The following AK9 variants were observed in gnomAD, a reference collection of about 807,000 sequenced individuals.
AK9 encodes adenylate kinase 9.
Under a neutral mutation model 239.6 loss-of-function variants are expected in AK9, and 191 were observed. That is an observed-to-expected ratio of 0.80 (90% CI 0.71 to 0.90). The LOEUF is 0.90. Ranked by LOEUF, AK9 falls within the 40% of genes least tolerant of loss-of-function variation. The pLI is 0.00. For synonymous variants in AK9, 689 were observed against 721.0 expected, an observed-to-expected ratio of 0.96 and a Z score of 0.71; for missense variants, 1,995 against 2,214.7, an observed-to-expected ratio of 0.90 and a Z score of 1.99.
chr6:109,578,896 C>T (rs544956799), intron 20 of AK9, among the ~76,000 whole-genome samples: 12 of 152,062 alleles, frequency 7.9e-5, no homozygotes, highest in South Asian at 2.1e-4. Context: ...AGAGAGTACT[C>T]GGTATAATTT....
Position 109,564,248 on chromosome 6 carries a change from G to T in AK9, c.2467C>A (p.Pro823Thr). Reference sequence around the variant, plus strand: ...AATGGCTCCATTTCGGGAACATCAGGATAAGAGTCTTCTGGAAACTCAGGT... The same window carrying T: ...AATGGCTCCATTTCGGGAACATCAGTATAAGAGTCTTCTGGAAACTCAGGT... The part of the protein sequence containing the change: ...VLPEFPEDSY[P>T]DVPEMEPFKE... Residue 823 changes from proline to threonine, a missense_variant, in exon 23 of 41, where the codon CCT becomes ACT. Physicochemically the swap from Pro to Thr is conservative, Grantham distance 38 (BLOSUM62 -1). Around this residue, in one of 5 missense-constraint regions of AK9, gnomAD observed 1,290 missense variants for 1,392.7 expected, o/e 0.93. Transcript: ENST00000424296. 1.9e-6 allele frequency: 3 copies of T among 1,550,894 alleles called. No homozygotes were observed. Among genetic ancestry groups the T allele is most frequent in the Non-Finnish European group, 2.6e-6 (3 of 1,146,740 alleles).
chr6:109,513,144 C>T (rs1478450898), intron 32 of AK9, among the ~76,000 whole-genome samples: 1 of 152,162 alleles, frequency 6.6e-6, no homozygotes, highest in Non-Finnish European at 1.5e-5. Flanking sequence ...GGATTACAGG[C>T]ATGAGCCACT....
At chr6:109,547,465 A>G (rs1783712022) in intron 25 of AK9, among the ~76,000 whole-genome samples, 1 of 152,224 alleles carries the variant, frequency 6.6e-6, no homozygotes, top group Non-Finnish European at 1.5e-5. Context: ...TCTTTAATAT[A>G]TGGTGCTGTG....
intron 19 of AK9, among the ~76,000 whole-genome samples, chr6:109,584,261 T>C (rs991013349): frequency 1.3e-5 from 2 of 152,110 alleles, no homozygotes; most frequent in African/African-American, 2.4e-5. Context: ...TCTTCATTTC[T>C]AGGGTTTAAA....
At chr6:109,539,733 T>C (rs890484143) in intron 27 of AK9, among the ~76,000 whole-genome samples, 1 of 152,196 alleles carries the variant, frequency 6.6e-6, no homozygotes, top group African/African-American at 2.4e-5. Context: ...TCTTTGTGGT[T>C]TTATCTACCT....
chr6:109,576,562 T>C (rs1262341111), intron 20 of AK9, among the ~76,000 whole-genome samples: 1 of 151,968 alleles, frequency 6.6e-6, no homozygotes, highest in East Asian at 1.9e-4. Flanking sequence ...AATTCATTTA[T>C]CAGATCTAGG....
intron 24 of AK9, among the ~76,000 whole-genome samples, chr6:109,553,407 G>T (rs964814823): frequency 1.3e-5 from 2 of 152,012 alleles, no homozygotes; most frequent in Non-Finnish European, 2.9e-5. Context: ...TCCTTGAAGA[G>T]GTCCTTCATA....
At chr6:109,563,080 C>A (rs1273689222) in intron 24 of AK9, among the ~76,000 whole-genome samples, 1 of 152,154 alleles carries the variant, frequency 6.6e-6, no homozygotes, top group African/African-American at 2.4e-5. Context: ...GGCAACTTAA[C>A]CCAGTTAATC....
Position 109,675,645 on chromosome 6 carries a change from A to G in AK9, c.101T>C (p.Val34Ala). The change falls in exon 2 of 41, where the codon GTT becomes GCT. Residue 34 changes from valine to alanine, a missense_variant. Transcript: ENST00000424296. ...ATAACTTACTGGTTTCCCAAATACA[A>G]CAAAGCAAACAGGTTTGGACAACAA... is the stretch of plus-strand genomic sequence containing the variant. The part of the protein sequence containing the change: ...NFLLSKPVCF[V>A]VFGKPGVGKT... 8.3e-6 allele frequency: 13 copies of G among 1,562,866 alleles called. No homozygotes were observed. Among genetic ancestry groups the G allele is most frequent in the Non-Finnish European group, 1.0e-5 (12 of 1,155,686 alleles).
intron 8 of AK9, among the ~76,000 whole-genome samples, chr6:109,647,623 C>G (rs1288398746): frequency 6.6e-6 from 1 of 152,158 alleles, no homozygotes; most frequent in Non-Finnish European, 1.5e-5. Flanking sequence ...AACTTAGACT[C>G]CCACACAATA....
At chr6:109,608,827 CA>C (rs1197575603) in intron 17 of AK9, among the ~76,000 whole-genome samples, 1 of 152,064 alleles carries the variant, frequency 6.6e-6, no homozygotes, top group Non-Finnish European at 1.5e-5. Context: ...ACATAAACAA[CA>C]CATGAATCAA....
intron 8 of AK9, among the ~76,000 whole-genome samples, chr6:109,656,144 T>C (rs1035025753): frequency 5.3e-5 from 8 of 152,192 alleles, no homozygotes; most frequent in Admixed American, 3.9e-4. Flanking sequence ...TGACTAAATC[T>C]CCAACACAAA....
intron 12 of AK9, among the ~76,000 whole-genome samples, chr6:109,625,239 T>C (rs1795376685): frequency 1.3e-5 from 2 of 152,212 alleles, no homozygotes; most frequent in South Asian, 2.1e-4. Context: ...GAAAATGTCT[T>C]TGTGTTAACT....
Position 109,497,326 on chromosome 6 carries a change from T to TCACACACACA in AK9, c.5315+129_5315+138dup, listed in dbSNP as rs141968479. The TCACACACACA allele has an allele frequency of 1.3e-3, 534 of 421,588 alleles. 1 individual carries two copies. Among genetic ancestry groups the TCACACACACA allele is most frequent in the African/African-American group, 3.1e-3 (118 of 37,914 alleles). 26.1% of individuals were successfully genotyped at this position (421,588 alleles called of 1,614,324 possible). ...TGGGATGGCAGGGACCAGTGCTTGT[T>TCACACACACA]CACACACACACACACACACACACAC... On this transcript the variant is annotated intron_variant, in intron 38 of 40. Coordinates refer to ENST00000424296, the MANE Select transcript of AK9 (RefSeq NM_001145128.3).
intron 17 of AK9, among the ~76,000 whole-genome samples, chr6:109,599,827 C>G (rs1265557705): frequency 6.6e-6 from 1 of 152,082 alleles, no homozygotes; most frequent in Non-Finnish European, 1.5e-5. Flanking sequence ...ATTTTATTCT[C>G]TTTGAAGCAA....
At chr6:109,566,343 T>G (rs1174570025) in intron 21 of AK9, among the ~76,000 whole-genome samples, 1 of 151,878 alleles carries the variant, frequency 6.6e-6, no homozygotes, top group Non-Finnish European at 1.5e-5. Flanking sequence ...CAAGAATAAG[T>G]CCACAAAAAC....
intron 29 of AK9, among the ~76,000 whole-genome samples, chr6:109,522,881 G>A (rs1780015453): frequency 6.6e-6 from 1 of 152,136 alleles, no homozygotes. Flanking sequence ...GTGAAGATGA[G>A]AAGATGCAGG....
chr6:109,620,179 T>C (rs1794646287), intron 12 of AK9, among the ~76,000 whole-genome samples: 1 of 152,088 alleles, frequency 6.6e-6, no homozygotes, highest in African/African-American at 2.4e-5. Context: ...TACCTAGGAG[T>C]GAAATTCCTG....
At chr6:109,524,563 A>T (rs571564921) in intron 29 of AK9, among the ~76,000 whole-genome samples, 3 of 152,356 alleles carry the variant, frequency 2.0e-5, no homozygotes, top group African/African-American at 7.2e-5. Flanking sequence ...GAAAGACAAT[A>T]GGTGAACAAT....
Sources: allele counts gnomAD v4.1 joint callset (sites outside exome capture counted in the v4.1 genomes callset), GRCh38; gene constraint gnomAD v4.1.1; regional missense constraint gnomAD v4.1.1; transcripts MANE v1.5; gene names NCBI Gene and HGNC (gene_info 2026-07-23, HGNC 2026-07-21).